Variants in L3MBTL4 observed in about 807,000 individuals in gnomAD.
L3MBTL4 encodes L3MBTL histone methyl-lysine binding protein 4.
Under a neutral mutation model 84.5 loss-of-function variants are expected in L3MBTL4, and 70 were observed. The ratio of observed to expected loss-of-function variants is 0.83; its 90% CI spans 0.68 to 1.01. L3MBTL4 has a LOEUF of 1.01. L3MBTL4 is among the 50% of genes least tolerant of loss of function. The pLI is 0.00. For missense variants in L3MBTL4, 715 were observed against 754.8 expected, an observed-to-expected ratio of 0.95 and a Z score of 0.62; for synonymous variants, 274 against 259.8, an observed-to-expected ratio of 1.05 and a Z score of -0.52.
intron 13 of L3MBTL4, among the ~76,000 whole-genome samples, chr18:6,139,863 G>A (rs1057131781): frequency 3.3e-5 from 5 of 152,016 alleles, no homozygotes; most frequent in African/African-American, 1.2e-4. Context: ...CTGATGCCTT[G>A]GGCTTCCACT....
chr18:5,959,548 T>G (rs1334659717), intron 18 of L3MBTL4, among the ~76,000 whole-genome samples: 1 of 152,076 alleles, frequency 6.6e-6, no homozygotes, highest in African/African-American at 2.4e-5. Context: ...GGACAGGAGA[T>G]AGAAACCCCG....
chr18:6,099,115 A>T (rs1394489452), intron 14 of L3MBTL4, among the ~76,000 whole-genome samples: 2 of 152,164 alleles, frequency 1.3e-5, no homozygotes, highest in African/African-American at 4.8e-5. Flanking sequence ...TGCACGCAGC[A>T]TGACCACCTC....
At chr18:6,378,833 T>C (rs2054480095) in intron 1 of L3MBTL4, among the ~76,000 whole-genome samples, 1 of 152,202 alleles carries the variant, frequency 6.6e-6, no homozygotes, top group Non-Finnish European at 1.5e-5. Context: ...AAGTGTAAAG[T>C]AGATTTTTCC....
chr18:6,128,502 A>G (rs3894213), intron 14 of L3MBTL4, among the ~76,000 whole-genome samples: 146,340 of 152,186 alleles, frequency 0.96, 70,404 homozygotes, highest in East Asian at 1. Context: ...GTGACATGAT[A>G]GAGCGTGGGA....
At chr18:6,254,553 T>G (rs537873887) in intron 5 of L3MBTL4, among the ~76,000 whole-genome samples, 25 of 152,088 alleles carry the variant, frequency 1.6e-4, no homozygotes, top group Non-Finnish European at 3.2e-4. Context: ...TTTTAAACTT[T>G]CATTTTAGAG....
intron 16 of L3MBTL4, among the ~76,000 whole-genome samples, chr18:6,039,396 C>G (rs952925867): frequency 6.6e-6 from 1 of 152,116 alleles, no homozygotes; most frequent in Non-Finnish European, 1.5e-5. Flanking sequence ...TTTATCTTCC[C>G]ACATATTCTC....
At chr18:6,096,056 C>T (rs1352547935) in intron 14 of L3MBTL4, among the ~76,000 whole-genome samples, 1 of 152,064 alleles carries the variant, frequency 6.6e-6, no homozygotes, top group Non-Finnish European at 1.5e-5. Context: ...TTTAAATGAT[C>T]ATTATAACCA....
chr18:5,993,288 C>T (rs2053789849), intron 16 of L3MBTL4, among the ~76,000 whole-genome samples: 1 of 152,182 alleles, frequency 6.6e-6, no homozygotes, highest in African/African-American at 2.4e-5. Context: ...ACCCTTTCTT[C>T]CCAAATGGAA....
At chr18:6,319,347 T>G (rs910989478) in intron 1 of L3MBTL4, among the ~76,000 whole-genome samples, 1 of 151,984 alleles carries the variant, frequency 6.6e-6, no homozygotes, top group African/African-American at 2.4e-5. Context: ...TTTGAAAATA[T>G]GAACAAAATT....
intron 1 of L3MBTL4, among the ~76,000 whole-genome samples, chr18:6,391,755 T>A (rs370488997): frequency 2.5e-3 from 337 of 134,580 alleles, no homozygotes; most frequent in African/African-American, 8.7e-3. Flanking sequence ...CAACAACAAC[T>A]ACTACTACTA....
chr18:6,364,977 A>G (rs1359454955), intron 1 of L3MBTL4, among the ~76,000 whole-genome samples: 3 of 152,106 alleles, frequency 2.0e-5, no homozygotes, highest in Non-Finnish European at 2.9e-5. Context: ...AATATATATT[A>G]TAGCAAAAAA....
intron 12 of L3MBTL4, among the ~76,000 whole-genome samples, chr18:6,178,890 C>T (rs2044342078): frequency 6.6e-6 from 1 of 152,194 alleles, no homozygotes; most frequent in South Asian, 2.1e-4. Context: ...AGGACTTGCC[C>T]TGAGCCCCTT....
Position 6,184,124 on chromosome 18 carries a change from A to ATTTATAAAATT in L3MBTL4, c.982-12183_982-12182insAATTTTATAAA, listed in dbSNP as rs367957996. ...ACAAAATGAATGCATCATGTACACT[A>ATTTATAAAATT]TTCAAAGTCATGGGTAGGTTACATA... On this transcript the variant is annotated intron_variant, in intron 12 of 18. Transcript: ENST00000317931. Among the ~76,000 whole-genome samples the ATTTATAAAATT allele has an allele frequency of 7.2e-3, 1,104 of 152,288 alleles. 10 individuals are homozygous for ATTTATAAAATT. Among genetic ancestry groups the ATTTATAAAATT allele is most frequent in the African/African-American group, 0.022 (922 of 41,566 alleles).
chr18:6,362,980 G>A (rs2053775589), intron 1 of L3MBTL4, among the ~76,000 whole-genome samples: 1 of 152,222 alleles, frequency 6.6e-6, no homozygotes, highest in Non-Finnish European at 1.5e-5. Context: ...AACCGCAGAG[G>A]AAAGGTCTCC....
chr18:5,997,889 C>T (rs1220776670), intron 16 of L3MBTL4, among the ~76,000 whole-genome samples: 1 of 152,128 alleles, frequency 6.6e-6, no homozygotes. Context: ...CACCTTATAT[C>T]AGGGACTCGA....
intron 1 of L3MBTL4, among the ~76,000 whole-genome samples, chr18:6,388,323 C>T (rs1010723900): frequency 3.3e-5 from 5 of 152,098 alleles, no homozygotes; most frequent in African/African-American, 1.2e-4. Context: ...CTTAGCAATA[C>T]GGGAATGGCA....
In L3MBTL4 at chr18:6,015,252, G is replaced by T. The variant is rs563639932; in HGVS notation, c.1445-45690C>A. On this transcript the variant is annotated intron_variant, in intron 16 of 18. Transcript: ENST00000317931. Reference sequence around the variant, plus strand: ...AGAGAAGACATAAGGTCTGGAGAAAGGAAAGGGTGCCTAGTAATCAAATTT... The same window carrying T: ...AGAGAAGACATAAGGTCTGGAGAAATGAAAGGGTGCCTAGTAATCAAATTT... Among the ~76,000 whole-genome samples the T allele has an allele frequency of 2.0e-3, 297 of 152,094 alleles. 1 individual carries two copies. Among genetic ancestry groups the T allele is most frequent in the African/African-American group, 7.0e-3 (291 of 41,474 alleles).
chr18:6,353,193 A>AGT (rs2053278618), intron 1 of L3MBTL4, among the ~76,000 whole-genome samples: 1 of 152,126 alleles, frequency 6.6e-6, no homozygotes, highest in Admixed American at 6.5e-5. Flanking sequence ...ACACACTCAC[A>AGT]GTATGATACA....
chr18:6,239,783 T>C lies in L3MBTL4; in HGVS notation c.642A>G (p.Ile214Met), dbSNP rs1369772189. ...KNPSLVCVATIADIVEDRLLV... is the reference protein window; with the variant it reads ...KNPSLVCVATMADIVEDRLLV... ...GTAAGCGATCTTCAACAATATCTGC[T>C]ATGGTCGCCACACACACCAAGGAAG... Residue 214 changes from isoleucine (I) to methionine (M), a missense_variant, in exon 9 of 19, where the codon ATA (isoleucine) becomes ATG (methionine). By Grantham distance (10) the Ile-to-Met change is conservative (BLOSUM62 1). Coordinates refer to ENST00000317931, the MANE Select transcript of L3MBTL4 (RefSeq NM_001330559.2). 6.2e-7 allele frequency: 1 copy of C among 1,614,176 alleles called. No homozygotes were observed. The highest frequency in any genetic ancestry group is 1.1e-5 in the South Asian group (1 of 91,088).
Sources: gnomAD v4.1 joint callset for allele counts (sites outside exome capture counted in the v4.1 genomes callset) on GRCh38, gnomAD v4.1.1 for gene constraint, MANE v1.5 for transcripts, NCBI Gene and HGNC (gene_info 2026-07-23, HGNC 2026-07-21) for gene names.